Variants in TMIGD3 observed in about 807,000 individuals in gnomAD.
TMIGD3 encodes AD026 protein (AD026).
TMIGD3 carries 21 observed loss-of-function variants against 28.1 expected under a neutral mutation model. The ratio of observed to expected loss-of-function variants is 0.75; its 90% CI spans 0.53 to 1.08. TMIGD3 has a LOEUF of 1.08. Among genes scored for constraint, TMIGD3 ranks in the 50% least tolerant of loss-of-function variants. TMIGD3 has a pLI of 0.00. For missense variants in TMIGD3, 416 were observed against 435.6 expected (o/e 0.96, Z 0.40); for synonymous variants, 151 against 162.1 (o/e 0.93, Z 0.52).
At chr1:111,499,938 T>C in intron 1 of TMIGD3, 1 of 1,612,106 alleles carries the variant, frequency 6.2e-7, no homozygotes. Context: ...CAGAGTCATC[T>C]CTGATGGATA....
In TMIGD3 at chr1:111,485,725, AC is replaced by A; in HGVS notation, c.973+14del. 7.0e-7 allele frequency: 1 copy of A among 1,419,108 alleles called. No individual in the cohort carries two copies. The highest frequency in any genetic ancestry group is 9.8e-7 in the Non-Finnish European group (1 of 1,022,712). The allele number at this position is 1,419,108 out of a possible 1,614,324, so 87.9% of individuals were successfully genotyped here. A position where few individuals can be genotyped will look rare whatever the true frequency, so the allele number is the denominator to read the frequency against. On this transcript the variant is annotated intron_variant, in intron 5 of 5. Transcript: ENST00000369716. The stretch of plus-strand genomic sequence containing the variant: ...TAATTCTTGCCCACCCCCTCCCTCA[AC>A]AATAGCTACTTACCCCTTCTATTCC...
chr1:111,489,532 G>C (rs922904367), intron 2 of TMIGD3: 22 of 1,009,426 alleles, frequency 2.2e-5, no homozygotes, highest in Non-Finnish European at 2.4e-5. Flanking sequence ...TTTTGTTGCT[G>C]TTGTTGTTAT....
chr1:111,491,772 T>C (rs1457584585), intron 1 of TMIGD3, among the ~76,000 whole-genome samples: 2 of 152,216 alleles, frequency 1.3e-5, no homozygotes, highest in African/African-American at 4.8e-5. Flanking sequence ...TATGACAAAT[T>C]ATAATATGTG....
chr1:111,493,446 C>T (rs1654756187), intron 1 of TMIGD3, among the ~76,000 whole-genome samples: 1 of 152,152 alleles, frequency 6.6e-6, no homozygotes, highest in Admixed American at 6.5e-5. Flanking sequence ...CTTTGCCTTC[C>T]ACCATGGGTG....
chr1:111,515,864 G>C (rs1655847657), intron 1 of TMIGD3, among the ~76,000 whole-genome samples: 1 of 152,242 alleles, frequency 6.6e-6, no homozygotes, highest in Non-Finnish European at 1.5e-5. Flanking sequence ...CGGGGAGGCC[G>C]GAGGGAGGGG....
chr1:111,540,208 C>T (rs1557841641), intron 1 of TMIGD3, among the ~76,000 whole-genome samples: 4 of 152,120 alleles, frequency 2.6e-5, no homozygotes, highest in African/African-American at 7.2e-5. Flanking sequence ...TGGGGTAAAC[C>T]GTAAGAGACA....
At chr1:111,554,628 C>A (rs1415047934) in intron 1 of TMIGD3, among the ~76,000 whole-genome samples, 5 of 152,296 alleles carry the variant, frequency 3.3e-5, no homozygotes, top group African/African-American at 1.2e-4. Flanking sequence ...CACACATATA[C>A]CCCTCAAAGG....
chr1:111,517,746 C>T (rs1287760659), intron 1 of TMIGD3, among the ~76,000 whole-genome samples: 1 of 152,158 alleles, frequency 6.6e-6, no homozygotes, highest in East Asian at 1.9e-4. Context: ...GCACCTTGCC[C>T]AACAACAAAA....
chr1:111,516,274 A>G (rs924382512), intron 1 of TMIGD3, among the ~76,000 whole-genome samples: 2 of 152,220 alleles, frequency 1.3e-5, no homozygotes, highest in African/African-American at 4.8e-5. Context: ...GATCAACTTA[A>G]AAATAGCACC....
chr1:111,510,159 A>G (rs920386594), intron 1 of TMIGD3, among the ~76,000 whole-genome samples: 2 of 152,178 alleles, frequency 1.3e-5, no homozygotes, highest in African/African-American at 4.8e-5. Context: ...CTCAGCCAAG[A>G]GTTTTATTCC....
intron 1 of TMIGD3, chr1:111,563,770 G>A (rs1657839338): frequency 1.9e-6 from 2 of 1,061,914 alleles, no homozygotes; most frequent in Non-Finnish European, 2.9e-6. Flanking sequence ...ATGAATAAAT[G>A]TTCCAAAGTG....
chr1:111,528,885 A>T (rs1656356030), intron 1 of TMIGD3, among the ~76,000 whole-genome samples: 1 of 151,994 alleles, frequency 6.6e-6, no homozygotes, highest in Non-Finnish European at 1.5e-5. Flanking sequence ...CTTCTTCATA[A>T]TTGGTTATTA....
intron 1 of TMIGD3, chr1:111,500,158 T>C (rs375139289): frequency 6.4e-5 from 103 of 1,613,964 alleles, no homozygotes; most frequent in Admixed American, 1.7e-4. Flanking sequence ...GATGATGCAG[T>C]TGATGATAGA....
intron 1 of TMIGD3, among the ~76,000 whole-genome samples, chr1:111,512,432 T>A (rs1655721702): frequency 6.6e-6 from 1 of 152,278 alleles, no homozygotes; most frequent in Non-Finnish European, 1.5e-5. Context: ...GAATATGCTG[T>A]GTCTTTCTTA....
upstream of TMIGD3, chr1:111,503,637 TCTGAAAGTGCTG>T: frequency 3.4e-6 from 4 of 1,176,946 alleles, no homozygotes; most frequent in Non-Finnish European, 4.2e-6. Flanking sequence ...ATGGACTGAA[TCTGAAAGTGCTG>T]CTGCTCTTAG....
intron 1 of TMIGD3, among the ~76,000 whole-genome samples, chr1:111,557,209 G>A (rs1032514725): frequency 1.1e-4 from 16 of 152,204 alleles, no homozygotes; most frequent in African/African-American, 3.9e-4. Flanking sequence ...TTCTTCAAAA[G>A]ACTGAAATGA....
chr1:111,501,456 C>T (rs1655170060), intron 1 of TMIGD3: 1 of 152,110 alleles, frequency 6.6e-6, no homozygotes, highest in African/African-American at 2.4e-5. Context: ...TTTATTATAA[C>T]CTCAATTTTA....
At chr1:111,497,470 C>T (rs1033160020) in intron 1 of TMIGD3, among the ~76,000 whole-genome samples, 3 of 152,186 alleles carry the variant, frequency 2.0e-5, no homozygotes, top group Non-Finnish European at 2.9e-5. Context: ...TAACCAAGCT[C>T]CTCACCAGTG....
intron 5 of TMIGD3, 143 bp from the exon 6 acceptor site, chr1:111,483,900 A>G: frequency 1.5e-6 from 1 of 665,592 alleles, no homozygotes; most frequent in Non-Finnish European, 2.7e-6. Flanking sequence ...CTGAGATCAG[A>G]TATCATTACT....
Sources: gnomAD v4.1 joint callset for allele counts (sites outside exome capture counted in the v4.1 genomes callset) on GRCh38, gnomAD v4.1.1 for gene constraint, MANE v1.5 for transcripts, NCBI Gene and HGNC (gene_info 2026-07-23, HGNC 2026-07-21) for gene names.